Variants in SMAD6 observed in about 807,000 individuals in gnomAD.
The protein encoded by SMAD6 is SMAD family member 6.
In SMAD6, 103 loss-of-function variants were observed where a neutral mutation model predicts 39.4. The ratio of observed to expected loss-of-function variants is 2.62; its 90% confidence interval spans 2.23 to 3.08. The LOEUF is 3.08. Ranked by LOEUF, SMAD6 falls within the 30% of genes most tolerant of loss-of-function variation. The probability of loss-of-function intolerance (pLI) is 0.00; values close to 1 mark genes in which losing one functional copy is unlikely to be tolerated. For missense variants in SMAD6, 1,104 were observed against 742.9 expected (o/e 1.49, Z -5.65); for synonymous variants, 445 against 353.3 (o/e 1.26, Z -2.91).
intron 2 of SMAD6, among the ~76,000 whole-genome samples, chr15:66,712,688 CAAAAAAAAAAA>C (rs775687604): frequency 8.1e-5 from 4 of 49,372 alleles, no homozygotes; most frequent in East Asian, 6.3e-4. Flanking sequence ...AATTCTGTCT[CAAAAAAAAAAA>C]AAAAAAAAAA....
intron 3 of SMAD6, among the ~76,000 whole-genome samples, chr15:66,764,307 T>C (rs1482882163): frequency 6.6e-6 from 1 of 152,206 alleles, no homozygotes. Context: ...TTTTTTTTTT[T>C]TACTTCGACC....
chr15:66,727,522 T>C (rs1244528675), intron 3 of SMAD6, among the ~76,000 whole-genome samples: 1 of 152,130 alleles, frequency 6.6e-6, no homozygotes, highest in Non-Finnish European at 1.5e-5. Context: ...GCATCCCAGC[T>C]TAGGAAACTG....
Position 66,720,513 on chromosome 15 carries a change from G to C in SMAD6, c.952+4015G>C, listed in dbSNP as rs1893413710. Among the ~76,000 whole-genome samples the C allele has an allele frequency of 2.0e-5, 3 of 152,158 alleles. No homozygotes were observed. In the South Asian group the frequency reaches 6.2e-4, roughly 31 times the overall value. On this transcript the variant is annotated intron_variant, in intron 3 of 3. Transcript: ENST00000288840. ...AGCACCCGGGCCTGCCTGACTCCAT[G>C]CTGTGGGGCTGGAGGCGGCACACTG...
In SMAD6 at chr15:66,703,855, C is replaced by T; in HGVS notation, c.597C>T (p.Gly199=). 1 of 1,350,760 alleles carries T rather than the reference C, an allele frequency of 7.4e-7. No homozygotes were observed. Among genetic ancestry groups the T allele is most frequent in the South Asian group, 1.8e-5 (1 of 56,706 alleles). The allele number at this position is 1,350,760 out of a possible 1,614,324, so 83.7% of individuals were successfully genotyped here. ...TGCTGGAGGCGGTGGAGTCCCGCGGCGGCGTGCCGGGCGGCTGCGTGCTGG... is the reference window on the plus strand; with the variant it reads ...TGCTGGAGGCGGTGGAGTCCCGCGGTGGCGTGCCGGGCGGCTGCGTGCTGG... ...DTLLEAVESR[G]GVPGGCVLVP... Residue 199 remains glycine (G), a synonymous_variant, in exon 1 of 4, where the codon GGC becomes GGT. Transcript: ENST00000288840.
chr15:66,736,976 T>G (rs1012749803), intron 3 of SMAD6, among the ~76,000 whole-genome samples: 4 of 152,190 alleles, frequency 2.6e-5, no homozygotes, highest in South Asian at 4.1e-4. Context: ...CTCCCTCAGT[T>G]CCTTTTTAAA....
chr15:66,703,877 CT>C lies in SMAD6; in HGVS notation c.620del (p.Leu207ArgfsTer35). ...CGGCGGCGTGCCGGGCGGCTGCGTG[CT>C]GGTGCCGCGCGCCGACCTCCGCCTG... ...SRGGVPGGCV[L>X]VPRADLRLGG... On this transcript the variant is annotated frameshift_variant, in exon 1 of 4. Transcript: ENST00000288840. LOFTEE classifies it high-confidence loss of function. The C allele has an allele frequency of 7.6e-7, 1 of 1,322,736 alleles. No individual in the cohort carries two copies. The highest frequency in any genetic ancestry group is 9.7e-7 in the Non-Finnish European group (1 of 1,033,128). 81.9% of individuals were successfully genotyped at this position (1,322,736 alleles called of 1,614,324 possible).
intron 3 of SMAD6, among the ~76,000 whole-genome samples, chr15:66,722,118 T>TA (rs1893444734): frequency 6.6e-6 from 1 of 152,118 alleles, no homozygotes; most frequent in Admixed American, 6.5e-5. Context: ...AAGATTTTTT[T>TA]AAAAAACTTC....
chr15:66,719,121 A>G (rs1449693412), intron 3 of SMAD6, among the ~76,000 whole-genome samples: 2 of 152,138 alleles, frequency 1.3e-5, no homozygotes, highest in Non-Finnish European at 2.9e-5. Flanking sequence ...TCCCCATTTC[A>G]TAGAGGAGGA....
Position 66,703,963 on chromosome 15 carries a change from G to T in SMAD6, c.705G>T (p.Leu235=). ...GCCGCCTCTTTCGCTGGCCCGACCT[G>T]CAGCACGCCGTGGAGCTGAAGCCCC... ...LLGRLFRWPD[L]QHAVELKPLC... is the part of the protein sequence containing the mutation. Residue 235 remains leucine, a synonymous_variant, in exon 1 of 4, where the codon CTG becomes CTT. Coordinates refer to ENST00000288840, the MANE Select transcript of SMAD6 (RefSeq NM_005585.5). 1 of 1,445,758 alleles carries T rather than the reference G, an allele frequency of 6.9e-7. No homozygotes were observed. The allele number at this position is 1,445,758 out of a possible 1,614,324, so 89.6% of individuals were successfully genotyped here.
rs1216597521 is a variant in SMAD6, at chr15:66,781,879, T to C, written c.*344T>C. On this transcript the variant is annotated 3_prime_UTR_variant, in exon 4 of 4. Transcript: ENST00000288840. ...TTATATATATATATAAAGAAAATGA[T>C]ACAGCAGAGCTAGGTGGAAAAGCCT... 2 of 398,622 alleles carry C rather than the reference T, an allele frequency of 5.0e-6. No individual in the cohort carries two copies. The highest frequency in any genetic ancestry group is 8.8e-6 in the Non-Finnish European group (2 of 226,028). The allele number at this position is 398,622 out of a possible 1,614,324, so 24.7% of individuals were successfully genotyped here.
rs555703936 is a variant in SMAD6, at chr15:66,764,258, C to T, written c.953-16739C>T. Among the ~76,000 whole-genome samples the T allele has an allele frequency of 1.0e-3, 152 of 152,234 alleles. 1 individual carries two copies. Among genetic ancestry groups the T allele is most frequent in the African/African-American group, 3.6e-3 (150 of 41,524 alleles). The stretch of plus-strand genomic sequence containing the variant: ...TAGTGCTAATAGGATAAACAGTTCT[C>T]CTGAACCTTATTTATATTTTGCATT... On this transcript the variant is annotated intron_variant, in intron 3 of 3. Coordinates refer to ENST00000288840, the MANE Select transcript of SMAD6 (RefSeq NM_005585.5).
chr15:66,775,431 T>C (rs1894450335), intron 3 of SMAD6, among the ~76,000 whole-genome samples: 5 of 152,212 alleles, frequency 3.3e-5, no homozygotes, highest in Admixed American at 6.5e-5. Flanking sequence ...CTAGAGCTAC[T>C]AGTCCTAGCA....
intron 2 of SMAD6, among the ~76,000 whole-genome samples, chr15:66,712,286 T>C (rs1020383176): frequency 1.3e-5 from 2 of 152,206 alleles, no homozygotes; most frequent in African/African-American, 4.8e-5. Flanking sequence ...GTGAGCTTAG[T>C]GGAGTTGGTA....
chr15:66,705,597 T>G (rs1185036928), intron 1 of SMAD6: 1 of 151,980 alleles, frequency 6.6e-6, no homozygotes, highest in Non-Finnish European at 1.5e-5. Flanking sequence ...TCCCTTCCAC[T>G]CTCGTAGAAG....
intron 3 of SMAD6, among the ~76,000 whole-genome samples, chr15:66,768,233 G>C (rs1894323456): frequency 6.6e-6 from 1 of 152,070 alleles, no homozygotes; most frequent in Non-Finnish European, 1.5e-5. Context: ...TGGCCTCCCA[G>C]AGTGCTGGGA....
rs991752271 is a variant in SMAD6 at position 66,747,802 on chromosome 15, A to G, written c.952+31304A>G. Among the ~76,000 whole-genome samples, 1 of 152,196 alleles carries G rather than the reference A, an allele frequency of 6.6e-6. No individual in the cohort carries two copies. Among genetic ancestry groups the G allele is most frequent in the Non-Finnish European group, 1.5e-5 (1 of 68,026 alleles). ...CAGGGATTGTCTGTGGTGGTTACTTATGCTCTGGCCACCATTTCGTCAGGA... is the reference window on the plus strand; with the variant it reads ...CAGGGATTGTCTGTGGTGGTTACTTGTGCTCTGGCCACCATTTCGTCAGGA... On this transcript the variant is annotated intron_variant, in intron 3 of 3. Transcript: ENST00000288840. This position sits in a 1 kb window ranked among gnomAD's most constrained non-coding sequence, Gnocchi z 4.5.
chr15:66,714,666 C>T (rs182015490), intron 2 of SMAD6, among the ~76,000 whole-genome samples: 1 of 152,302 alleles, frequency 6.6e-6, no homozygotes, highest in Non-Finnish European at 1.5e-5. Flanking sequence ...CTCCAACTTG[C>T]AGATGGAGTT....
Position 66,703,233 on chromosome 15 carries a change from C to T in SMAD6, c.-26C>T, listed in dbSNP as rs971934215. 7 of 1,366,308 alleles carry T rather than the reference C, an allele frequency of 5.1e-6. No homozygotes were observed. Among genetic ancestry groups the T allele is most frequent in the Non-Finnish European group, 6.7e-6 (7 of 1,052,180 alleles). 84.6% of individuals were successfully genotyped at this position (1,366,308 alleles called of 1,614,324 possible). On this transcript the variant is annotated 5_prime_UTR_variant, in exon 1 of 4. Transcript: ENST00000288840. ...CCGGTAACCGGAGACCGCCTCCCCC[C>T]CACCCCTGGCGCCAAAGGATATCGT... is the stretch of plus-strand genomic sequence containing the variant.
Position 66,703,916 on chromosome 15 carries a change from G to C in SMAD6, c.658G>C (p.Ala220Pro). 1 of 1,299,074 alleles carries C rather than the reference G, an allele frequency of 7.7e-7. No individual in the cohort carries two copies. The highest frequency in any genetic ancestry group is 9.7e-7 in the Non-Finnish European group (1 of 1,028,636). 80.5% of individuals were successfully genotyped at this position (1,299,074 alleles called of 1,614,324 possible). ...RADLRLGGQP[A>P]PPQLLLGRLF... ...CGACCTCCGCCTGGGCGGCCAGCCC[G>C]CGCCGCCGCAGCTGCTGCTCGGCCG... is the stretch of plus-strand genomic sequence containing the variant. The change falls in exon 1 of 4, where the codon GCG becomes CCG. Residue 220 changes from alanine to proline, a missense_variant. Physicochemically the swap from Ala to Pro is conservative, Grantham distance 27. Coordinates refer to ENST00000288840, the MANE Select transcript of SMAD6 (RefSeq NM_005585.5).
Sources: gnomAD v4.1 joint callset for allele counts (sites outside exome capture counted in the v4.1 genomes callset) on GRCh38, gnomAD v4.1.1 for gene constraint, Gnocchi (gnomAD v3.1) non-coding constraint, MANE v1.5 for transcripts, NCBI Gene and HGNC (gene_info 2026-07-23, HGNC 2026-07-21) for gene names.